Variants in PRPF31 observed in about 807,000 individuals in gnomAD.
PRPF31 encodes pre-mRNA processing factor 31.
Under a neutral mutation model 60.4 loss-of-function variants are expected in PRPF31, and 12 were observed. The observed-to-expected ratio is 0.20, with a 90% CI of 0.13 to 0.32. PRPF31 has a LOEUF of 0.32. Among genes scored for constraint, PRPF31 ranks in the 10% least tolerant of loss-of-function variants. The probability of loss-of-function intolerance (pLI) is 1.00; values close to 1 mark genes in which losing one functional copy is unlikely to be tolerated. For synonymous variants in PRPF31, 287 were observed against 287.9 expected (o/e 1.00, Z 0.03); for missense variants, 431 against 687.1 (o/e 0.63, Z 4.17).
In PRPF31 at chr19:54,129,363, C is replaced by T. The variant is rs1443035948; in HGVS notation, c.1367C>T (p.Pro456Leu). The change falls in exon 13 of 14, where the codon CCA becomes CTA. Residue 456 changes from proline (P) to leucine (L), a missense_variant. Physicochemically the swap from Pro to Leu is moderately conservative, Grantham distance 98. Around this residue, in one of 4 missense-constraint regions of PRPF31, gnomAD observed 314 missense variants for 475.3 expected, o/e 0.66. Coordinates refer to ENST00000321030, the MANE Select transcript of PRPF31 (RefSeq NM_015629.4). ...SGTASSVAFT[P>L]LQGLEIVNPQ... ...ACGGCCTCCAGCGTGGCCTTCACCC[C>T]ACTCCAGGTACCTCCCCTGGGCCGG... 6.3e-7 allele frequency: 1 copy of T among 1,596,732 alleles called. No homozygotes were observed. Among genetic ancestry groups the T allele is most frequent in the African/African-American group, 1.3e-5 (1 of 74,244 alleles).
intron 4 of PRPF31, chr19:54,122,206 G>T (rs956355018): frequency 1.3e-5 from 8 of 623,972 alleles, no homozygotes; most frequent in Non-Finnish European, 2.3e-5. Flanking sequence ...CTGCCTCACG[G>T]TGCGAGGTGA....
intron 4 of PRPF31, 159 bp from the exon 5 acceptor site, chr19:54,122,338 G>A (rs993436641): frequency 7.7e-5 from 59 of 765,110 alleles, no homozygotes; most frequent in African/African-American, 6.6e-4. Flanking sequence ...CACACCTAGC[G>A]GTAAGGACGG....
intron 1 of PRPF31, among the ~76,000 whole-genome samples, chr19:54,117,821 C>T (rs1266867386): frequency 2.0e-5 from 3 of 152,038 alleles, no homozygotes; most frequent in Admixed American, 1.3e-4. Flanking sequence ...CACTGCACTC[C>T]AACCTGGGTG....
intron 2 of PRPF31, 31 bp downstream of exon 2, chr19:54,118,486 G>T (rs781156684): frequency 1.7e-5 from 28 of 1,613,902 alleles, no homozygotes; most frequent in Admixed American, 5.0e-5. Flanking sequence ...CCTAGCAGGG[G>T]GCTCTAGACA....
At chr19:54,117,210 T>C (rs1226070851) in intron 1 of PRPF31, among the ~76,000 whole-genome samples, 2 of 152,130 alleles carry the variant, frequency 1.3e-5, no homozygotes, top group Non-Finnish European at 2.9e-5. Context: ...CCAACTCAAG[T>C]TTCTGCTACT....
At position 54,125,795 on chromosome 19, in the gene PRPF31, G is replaced by A. The variant is rs187101586; in HGVS notation, c.856-733G>A. 3.6e-4 allele frequency among the ~76,000 whole-genome samples: 55 copies of A among 152,318 alleles called. 1 individual carries two copies. The highest frequency in any genetic ancestry group is 3.4e-3 in the Middle Eastern group (1 of 294). On this transcript the variant is annotated intron_variant, in intron 8 of 13. Transcript: ENST00000321030. ...GGTCACCCCATCCTGGGAGGAGAGA[G>A]AGTGGGCGATAGAACCCAGGACGGG...
Position 54,124,668 on chromosome 19 carries a change from G to A in PRPF31, c.855+12G>A, listed in dbSNP as rs763372742. 9.9e-6 allele frequency: 16 copies of A among 1,611,462 alleles called. No homozygotes were observed. The highest frequency in any genetic ancestry group is 1.4e-5 in the Non-Finnish European group (16 of 1,179,914). ...AGTCCCTGCCACCGGTGAGCCCACTGCGTCATGGCCCCTCCCCCGGCCCCC... is the reference window on the plus strand; with the variant it reads ...AGTCCCTGCCACCGGTGAGCCCACTACGTCATGGCCCCTCCCCCGGCCCCC... On this transcript the variant is annotated intron_variant, in intron 8 of 13. Transcript: ENST00000321030.
intron 13 of PRPF31, among the ~76,000 whole-genome samples, chr19:54,130,820 T>G (rs975249681): frequency 6.6e-6 from 1 of 152,150 alleles, no homozygotes; most frequent in African/African-American, 2.4e-5. Flanking sequence ...CAGGAAGCAC[T>G]TGGCACTGGG....
At chr19:54,122,968 G>A (rs1480997924) in intron 5 of PRPF31, 6 of 469,776 alleles carry the variant, frequency 1.3e-5, no homozygotes, top group African/African-American at 1.2e-4. Flanking sequence ...GTGAGGCGGG[G>A]AAGGAGGGGA....
chr19:54,121,992 G>T lies in PRPF31; in HGVS notation c.322+49G>T, dbSNP rs777671301. On this transcript the variant is annotated intron_variant, in intron 4 of 13. Transcript: ENST00000321030. The stretch of plus-strand genomic sequence containing the variant: ...GACAGCCCCGTGTGACGTCCCTCAC[G>T]CCCCCTCTCCCTTCCCCACTGGCCT... 6 of 1,545,650 alleles carry T rather than the reference G, an allele frequency of 3.9e-6. No homozygotes were observed. The East Asian group carries it at 1.2e-4, about 30-fold the overall frequency.
chr19:54,127,070 A>T (rs1247616153), intron 9 of PRPF31, among the ~76,000 whole-genome samples: 4 of 152,164 alleles, frequency 2.6e-5, no homozygotes, highest in African/African-American at 9.7e-5. Flanking sequence ...CAGTGAACTG[A>T]GATTGCATCA....
rs587627263 is a variant in PRPF31, at chr19:54,124,506, C to T, written c.705C>T (p.Ala235=). The T allele has an allele frequency of 1.3e-4, 204 of 1,605,430 alleles. 1 individual carries two copies. The South Asian group carries it at 2.1e-3, about 16-fold the overall frequency. ...ASTAAKIMGV[A]GGLTNLSKMP... ...CCCTCCCTCCCACCGCAGGTGTGGC[C>T]GGCGGCCTGACCAACCTCTCCAAGA... Residue 235 remains alanine, a synonymous_variant, in exon 8 of 14, where the codon GCC becomes GCT. Transcript: ENST00000321030.
intron 4 of PRPF31, chr19:54,122,200 C>T (rs1477000595): frequency 4.8e-6 from 3 of 626,460 alleles, no homozygotes; most frequent in African/African-American, 3.6e-5. Flanking sequence ...GGCCACCTGC[C>T]TCACGGTGCG....
chr19:54,123,566 T>C lies in PRPF31; in HGVS notation c.527+6T>C. 1 of 1,613,826 alleles carries C rather than the reference T, an allele frequency of 6.2e-7. No homozygotes were observed. The highest frequency in any genetic ancestry group is 1.1e-5 in the South Asian group (1 of 91,082). ...ACCGCCTCCACCACCCAGGGGTATG[T>C]CCGCTTCGAGGGAGGCGCCGGGCCC... On this transcript the variant is annotated splice_donor_region_variant and intron_variant, in intron 6 of 13. Transcript: ENST00000321030.
At chr19:54,120,066 G>C (rs2073749646) in intron 3 of PRPF31, 1 of 152,214 alleles carries the variant, frequency 6.6e-6, no homozygotes, top group African/African-American at 2.4e-5. Flanking sequence ...CCCTGCCCCA[G>C]GTGTCAGGAA....
intron 4 of PRPF31, 98 bp downstream of exon 4, chr19:54,122,041 C>G: frequency 2.3e-6 from 3 of 1,295,286 alleles, no homozygotes; most frequent in Non-Finnish European, 3.3e-6. Context: ...GCCCCTAAGC[C>G]CAAGCTCAGA....
At chr19:54,128,502 TCCCCCCC>T (rs35858995) in intron 11 of PRPF31, 125 bp downstream of exon 11, 1 of 766,044 alleles carries the variant, frequency 1.3e-6, no homozygotes, top group Non-Finnish European at 2.0e-6. Context: ...TGCCCCAGCC[TCCCCCCC>T]CCCGGCCTCT....
chr19:54,119,116 C>T (rs1244286827), intron 3 of PRPF31, among the ~76,000 whole-genome samples: 1 of 152,180 alleles, frequency 6.6e-6, no homozygotes, highest in Non-Finnish European at 1.5e-5. Flanking sequence ...GGCGCCGTGG[C>T]TCACGCCTGT....
Position 54,123,880 on chromosome 19 carries a change from C to T in PRPF31, c.659C>T (p.Ser220Phe). 6.2e-7 allele frequency: 1 copy of T among 1,614,054 alleles called. No individual in the cohort carries two copies. The highest frequency in any genetic ancestry group is 8.5e-7 in the Non-Finnish European group (1 of 1,180,018). ...SRMSFIAPNL[S>F]IIIGASTAAK... ...ATGTCCTTCATCGCACCCAACCTGT[C>T]CATCATTATCGGGGCATCCACGGCC... The change falls in exon 7 of 14, where the codon TCC becomes TTC. Residue 220 changes from serine to phenylalanine, a missense_variant. Ser to Phe is a radical substitution (Grantham distance 155). Coordinates refer to ENST00000321030, the MANE Select transcript of PRPF31 (RefSeq NM_015629.4).
Sources: allele counts gnomAD v4.1 joint callset (sites outside exome capture counted in the v4.1 genomes callset), GRCh38; gene constraint gnomAD v4.1.1; regional missense constraint gnomAD v4.1.1; transcripts MANE v1.5; gene names NCBI Gene and HGNC (gene_info 2026-07-23, HGNC 2026-07-21).